ERAP1: variants seen among roughly 807,000 people sequenced by gnomAD.
ERAP1 encodes endoplasmic reticulum aminopeptidase 1.
A neutral mutation model predicts 103.7 loss-of-function variants in ERAP1; 86 were observed. The observed-to-expected ratio is 0.83, with a 90% confidence interval of 0.70 to 0.99. The LOEUF (loss-of-function observed/expected upper bound fraction) is 0.99, where lower values mean the gene tolerates loss of function less well. ERAP1 is among the 50% of genes least tolerant of loss of function. The pLI is 0.00. For missense variants in ERAP1, 1,009 were observed against 1,128.4 expected, an observed-to-expected ratio of 0.89 and a Z score of 1.52; for synonymous variants, 398 against 402.4, an observed-to-expected ratio of 0.99 and a Z score of 0.13.
intron 4 of ERAP1, 71 bp downstream of exon 4, chr5:96,797,104 T>C (rs1777426232): frequency 6.3e-7 from 1 of 1,598,154 alleles, no homozygotes; most frequent in Admixed American, 1.7e-5. Flanking sequence ...TCAGGCAGAC[T>C]TCCAGTTTTA....
At chr5:96,843,487 C>T in the ERAP1 span, among the ~76,000 whole-genome samples, 1 of 152,200 alleles carries the variant, frequency 6.6e-6, no homozygotes, top group African/African-American at 2.4e-5. Flanking sequence ...ACCAGAGGTA[C>T]TTTCAGTTTT....
the ERAP1 span, among the ~76,000 whole-genome samples, chr5:96,928,461 T>C: frequency 6.6e-6 from 1 of 152,280 alleles, no homozygotes; most frequent in African/African-American, 2.4e-5. Context: ...TGGACACAGG[T>C]ATGCACACAG....
chr5:96,925,032 G>A, the ERAP1 span, among the ~76,000 whole-genome samples: 1 of 152,194 alleles, frequency 6.6e-6, no homozygotes, highest in Middle Eastern at 3.4e-3. Flanking sequence ...TCCAACCTAG[G>A]GCTTAGATGC....
chr5:96,874,132 GAGAGAGAA>G, the ERAP1 span, among the ~76,000 whole-genome samples: 2 of 87,214 alleles, frequency 2.3e-5, no homozygotes, highest in African/African-American at 3.7e-5. Context: ...GAAAGAAAGA[GAGAGAGAA>G]AGAAAGAAAG....
the ERAP1 span, among the ~76,000 whole-genome samples, chr5:96,832,813 C>T: frequency 2.0e-5 from 3 of 152,252 alleles, no homozygotes; most frequent in South Asian, 6.2e-4. Flanking sequence ...CATTCATGAT[C>T]CCTTTGGGCT....
the ERAP1 span, chr5:96,881,387 C>T: frequency 6.6e-6 from 3 of 455,312 alleles, no homozygotes; most frequent in Non-Finnish European, 1.3e-5. Context: ...AGATTGCTGA[C>T]ATATTGGTCA....
the ERAP1 span, among the ~76,000 whole-genome samples, chr5:96,907,215 A>G: frequency 1.3e-5 from 2 of 152,218 alleles, no homozygotes; most frequent in Non-Finnish European, 2.9e-5. Flanking sequence ...TTCAGATAAC[A>G]TTCTATGCAT....
chr5:96,869,022 T>C, the ERAP1 span, among the ~76,000 whole-genome samples: 1 of 152,016 alleles, frequency 6.6e-6, no homozygotes, highest in Admixed American at 6.6e-5. Context: ...GTTTGCACAG[T>C]GTTAGCTCTA....
chr5:96,885,959 T>C, the ERAP1 span, among the ~76,000 whole-genome samples: 1 of 152,210 alleles, frequency 6.6e-6, no homozygotes, highest in Non-Finnish European at 1.5e-5. Flanking sequence ...ATGACCTCCT[T>C]GGCCTGACTG....
At chr5:96,907,593 G>A in the ERAP1 span, among the ~76,000 whole-genome samples, 1 of 150,274 alleles carries the variant, frequency 6.7e-6, no homozygotes, top group African/African-American at 2.5e-5. Flanking sequence ...TTTTAATACG[G>A]CAGACTAGCC....
At chr5:96,851,929 C>G in the ERAP1 span, among the ~76,000 whole-genome samples, 2 of 152,112 alleles carry the variant, frequency 1.3e-5, no homozygotes, top group African/African-American at 2.4e-5. Flanking sequence ...AAGGACAGCA[C>G]AGAATAGACA....
chr5:96,900,196 A>C, the ERAP1 span: 10 of 1,613,446 alleles, frequency 6.2e-6, no homozygotes, highest in African/African-American at 1.3e-5. Flanking sequence ...CATGGTAAGG[A>C]TAAAGAGAGT....
the ERAP1 span, among the ~76,000 whole-genome samples, chr5:96,874,158 GAAAGAAAGAAAGAAAGAA>G: frequency 1.8e-5 from 2 of 109,100 alleles, no homozygotes; most frequent in Non-Finnish European, 3.5e-5. Context: ...AAGAAAGAAA[GAAAGAAAGAAAGAAAGAA>G]AGAAAGAGAG....
chr5:96,835,179 C>A, the ERAP1 span, among the ~76,000 whole-genome samples: 1 of 152,186 alleles, frequency 6.6e-6, no homozygotes. Context: ...TTGAGAAAGA[C>A]AAAACTCTGC....
rs1325625953 is a variant in ERAP1, at chr5:96,776,115, C to T, written c.*281G>A. 3 of 1,382,102 alleles carry T rather than the reference C, an allele frequency of 2.2e-6. No individual in the cohort carries two copies. Among genetic ancestry groups the T allele is most frequent in the Non-Finnish European group, 2.9e-6 (3 of 1,050,950 alleles). 85.6% of individuals were successfully genotyped at this position (1,382,102 alleles called of 1,614,324 possible). A position where few individuals can be genotyped will look rare whatever the true frequency, so the allele number is the denominator to read the frequency against. ...TTGGACACGGGTGCTTAAGCATAAA[C>T]TATAAAATGAGAAGAATAAGGTACT... On this transcript the variant is annotated 3_prime_UTR_variant, in exon 19 of 19. Coordinates refer to ENST00000443439, the MANE Select transcript of ERAP1 (RefSeq NM_001040458.3).
At chr5:96,820,975 G>C in the ERAP1 span, among the ~76,000 whole-genome samples, 1 of 148,358 alleles carries the variant, frequency 6.7e-6, no homozygotes, top group East Asian at 2.0e-4. Flanking sequence ...AAGAGGAAGA[G>C]AGAGGAAGAG....
intron 5 of ERAP1, among the ~76,000 whole-genome samples, chr5:96,794,194 T>C (rs1398020018): frequency 7.9e-6 from 1 of 126,432 alleles, no homozygotes; most frequent in Non-Finnish European, 1.7e-5. Flanking sequence ...TTTTTTTTTT[T>C]TTTTTGGAAA....
chr5:96,788,557 CTTCATG>C lies in ERAP1; in HGVS notation c.1647_1652del (p.Tyr549_Lys551delinsTer). 1.2e-6 allele frequency: 2 copies of C among 1,614,166 alleles called. No individual in the cohort carries two copies. The highest frequency in any genetic ancestry group is 1.7e-6 in the Non-Finnish European group (2 of 1,180,018). The stretch of plus-strand genomic sequence containing the variant: ...CAGTGTCCGGGGCGCCGTCAGAGCC[CTTCATG>C]TAGTGCTCTTGCTTCATGTGTACAT... On this transcript the variant is annotated stop_gained and inframe_deletion, in exon 11 of 19. Coordinates refer to ENST00000443439, the MANE Select transcript of ERAP1 (RefSeq NM_001040458.3). LOFTEE classifies it high-confidence loss of function.
the ERAP1 span, among the ~76,000 whole-genome samples, chr5:96,858,217 CT>C: frequency 0.033 from 4,519 of 137,036 alleles, 74 homozygotes; most frequent in Middle Eastern, 0.053. Flanking sequence ...TGTTCTTCTT[CT>C]TTTTTTTTTT....
Sources: gnomAD v4.1 joint callset for allele counts (sites outside exome capture counted in the v4.1 genomes callset) on GRCh38, gnomAD v4.1.1 for gene constraint, MANE v1.5 for transcripts, NCBI Gene and HGNC (gene_info 2026-07-23, HGNC 2026-07-21) for gene names.